CCDC102B: variants seen among roughly 807,000 people sequenced by gnomAD.
CCDC102B encodes the protein coiled-coil domain-containing protein 102B.
In CCDC102B, 75 loss-of-function variants were observed where a neutral mutation model predicts 57.4. The observed-to-expected ratio is 1.31, with a 90% CI of 1.08 to 1.58. The LOEUF (loss-of-function observed/expected upper bound fraction) is 1.58, where lower values mean the gene tolerates loss of function less well. Ranked by LOEUF, CCDC102B falls within the 40% of genes most tolerant of loss-of-function variation. The pLI is 0.00. For synonymous variants in CCDC102B, 206 were observed against 201.9 expected, an observed-to-expected ratio of 1.02 and a Z score of -0.17; for missense variants, 636 against 582.6, an observed-to-expected ratio of 1.09 and a Z score of -0.94.
intron 1 of CCDC102B, among the ~76,000 whole-genome samples, chr18:68,818,372 T>C (rs2036570864): frequency 6.6e-6 from 1 of 152,218 alleles, no homozygotes; most frequent in African/African-American, 2.4e-5. Context: ...TTGGCTGCTT[T>C]CTGATTAGTT....
chr18:69,051,108 C>T (rs2062449165), intron 7 of CCDC102B, among the ~76,000 whole-genome samples: 1 of 152,130 alleles, frequency 6.6e-6, no homozygotes. Context: ...AGGTCTTGAA[C>T]TTCTGGCCTC....
At chr18:68,757,448 T>A (rs1051325515) in intron 2 of CCDC102B, among the ~76,000 whole-genome samples, 8 of 152,178 alleles carry the variant, frequency 5.3e-5, no homozygotes, top group African/African-American at 1.9e-4. Context: ...AAAGGAGGAA[T>A]AATTTTATTG....
At chr18:68,765,349 GAA>G (rs1193000387) in intron 2 of CCDC102B, among the ~76,000 whole-genome samples, 1 of 120,184 alleles carries the variant, frequency 8.3e-6, no homozygotes, top group South Asian at 2.6e-4. Context: ...AAGAAAGAAA[GAA>G]AGAAAGAAAG....
At chr18:68,999,184 T>A (rs1425086217) in intron 6 of CCDC102B, among the ~76,000 whole-genome samples, 1 of 151,600 alleles carries the variant, frequency 6.6e-6, no homozygotes, top group Non-Finnish European at 1.5e-5. Flanking sequence ...ACACTGGAGA[T>A]GGATAAGTGG....
chr18:69,015,930 C>A (rs1190546824), intron 7 of CCDC102B, among the ~76,000 whole-genome samples: 1 of 152,038 alleles, frequency 6.6e-6, no homozygotes, highest in African/African-American at 2.4e-5. Flanking sequence ...TCTTGGCTCA[C>A]TGCAAGCTCT....
At chr18:68,891,573 G>A (rs1296759835) in intron 5 of CCDC102B, among the ~76,000 whole-genome samples, 2 of 152,182 alleles carry the variant, frequency 1.3e-5, no homozygotes, top group African/African-American at 2.4e-5. Context: ...AGAATGGAAG[G>A]CTTAAACAGC....
intron 6 of CCDC102B, among the ~76,000 whole-genome samples, chr18:68,957,979 A>G (rs2049946655): frequency 6.6e-6 from 1 of 152,150 alleles, no homozygotes; most frequent in South Asian, 2.1e-4. Context: ...GCAATTTACA[A>G]AAGAGAGGTT....
Position 68,790,544 on chromosome 18 carries a change from C to T in CCDC102B, c.-66-32822C>T, listed in dbSNP as rs566839197. Among the ~76,000 whole-genome samples the T allele has an allele frequency of 1.6e-3, 243 of 152,282 alleles. 2 individuals are homozygous for T. The highest frequency in any genetic ancestry group is 6.8e-3 in the Middle Eastern group (2 of 294). ...TATAATCTCGTGGTGCGCCGTTTTT[C>T]AAGCCCGTCGGAAAAGTGCAGTATT... is the stretch of plus-strand genomic sequence containing the variant. On this transcript the variant is annotated intron_variant, in intron 2 of 3. Transcript: ENST00000578970.
chr18:68,954,659 A>G (rs999434048), intron 6 of CCDC102B, among the ~76,000 whole-genome samples: 8 of 152,332 alleles, frequency 5.3e-5, no homozygotes, highest in African/African-American at 1.7e-4. Flanking sequence ...AATATCTGCC[A>G]TCATTAGCTC....
chr18:69,036,860 A>G (rs959054852), intron 7 of CCDC102B, among the ~76,000 whole-genome samples: 4 of 152,104 alleles, frequency 2.6e-5, no homozygotes, highest in Admixed American at 1.3e-4. Context: ...AATCATTCAG[A>G]TATCTGTTAA....
chr18:68,943,340 G>C (rs2049439960), intron 6 of CCDC102B, among the ~76,000 whole-genome samples: 1 of 152,074 alleles, frequency 6.6e-6, no homozygotes, highest in South Asian at 2.1e-4. Flanking sequence ...TTGCTGGGCA[G>C]ATATTGTTCA....
In CCDC102B at chr18:68,837,192, G is replaced by A. The variant is rs1289468616; in HGVS notation, c.429G>A (p.Leu143=). 1.9e-6 allele frequency: 3 copies of A among 1,613,956 alleles called. No homozygotes were observed. In the African/African-American group the frequency reaches 4.0e-5, roughly 22 times the overall value. ...GTACACTGAAAAAGAAACAGAGTTT[G>A]CCACCTCAGAAGGAGGCATTAGAAG... The part of the protein sequence containing the change: ...ELSTLKKKQS[L]PPQKEALEAK... The change falls in exon 2 of 8, where the codon TTG becomes TTA. Residue 143 remains leucine (L), a synonymous_variant. Coordinates refer to ENST00000360242, the MANE Select transcript of CCDC102B (RefSeq NM_024781.3).
At chr18:68,877,185 C>T (rs2039482435) in intron 5 of CCDC102B, among the ~76,000 whole-genome samples, 2 of 152,138 alleles carry the variant, frequency 1.3e-5, no homozygotes, top group Admixed American at 1.3e-4. Context: ...TTATTGCCTC[C>T]TTTAAGTTTC....
intron 2 of CCDC102B, among the ~76,000 whole-genome samples, chr18:68,776,635 G>A (rs149686335): frequency 1.3e-5 from 2 of 151,910 alleles, no homozygotes; most frequent in African/African-American, 4.8e-5. Context: ...GAACACAAGG[G>A]AACAACACAC....
At chr18:68,824,485 A>G (rs1599520497) in intron 1 of CCDC102B, among the ~76,000 whole-genome samples, 1 of 152,156 alleles carries the variant, frequency 6.6e-6, no homozygotes, top group South Asian at 2.1e-4. Flanking sequence ...TTCAGTTTGG[A>G]TGACTTTTAT....
At chr18:68,833,173 C>G (rs8092550) in intron 1 of CCDC102B, among the ~76,000 whole-genome samples, 29,806 of 152,026 alleles carry the variant, frequency 0.2, 2,981 homozygotes, top group Non-Finnish European at 0.23. Flanking sequence ...TTCAAATTTC[C>G]TCAGTTTCCA....
intron 7 of CCDC102B, among the ~76,000 whole-genome samples, chr18:69,045,696 C>T (rs1034041315): frequency 6.6e-6 from 1 of 152,024 alleles, no homozygotes; most frequent in African/African-American, 2.4e-5. Flanking sequence ...TACTTCATCA[C>T]CCAGATAATA....
At chr18:69,024,536 T>C (rs1480757386) in intron 7 of CCDC102B, among the ~76,000 whole-genome samples, 2 of 152,124 alleles carry the variant, frequency 1.3e-5, no homozygotes, top group Non-Finnish European at 2.9e-5. Flanking sequence ...TAAAACTTTA[T>C]AATTTGATGC....
At chr18:68,788,184 G>T (rs1397488375) in intron 2 of CCDC102B, among the ~76,000 whole-genome samples, 2 of 152,200 alleles carry the variant, frequency 1.3e-5, no homozygotes, top group Non-Finnish European at 2.9e-5. Flanking sequence ...TTGCACTGTG[G>T]TCTGAGAGAG....
Sources: allele counts gnomAD v4.1 joint callset (sites outside exome capture counted in the v4.1 genomes callset), GRCh38; gene constraint gnomAD v4.1.1; transcripts MANE v1.5; gene names NCBI Gene and HGNC (gene_info 2026-07-23, HGNC 2026-07-21).